The following SRRM4 variants were observed in gnomAD, a reference collection of about 807,000 sequenced individuals.
SRRM4 encodes the protein serine/arginine repetitive matrix protein 4.
SRRM4 carries 33 observed loss-of-function variants against 68.9 expected under a neutral mutation model. The observed-to-expected ratio is 0.48, with a 90% confidence interval of 0.36 to 0.64. The LOEUF is 0.64. Ranked by LOEUF, SRRM4 falls within the 30% of genes least tolerant of loss-of-function variation. SRRM4 has a pLI of 0.00. For synonymous variants in SRRM4, 318 were observed against 318.8 expected (o/e 1.00, Z 0.03); for missense variants, 817 against 827.1 (o/e 0.99, Z 0.15).
At chr12:119,020,067 G>C (rs1398546251) in intron 1 of SRRM4, among the ~76,000 whole-genome samples, 1 of 151,340 alleles carries the variant, frequency 6.6e-6, no homozygotes, top group Non-Finnish European at 1.5e-5. Flanking sequence ...GGCACAGTGT[G>C]GTCAATGGAG....
At chr12:119,088,355 C>A (rs1487947267) in intron 1 of SRRM4, among the ~76,000 whole-genome samples, 1 of 152,072 alleles carries the variant, frequency 6.6e-6, no homozygotes, top group Non-Finnish European at 1.5e-5. Flanking sequence ...TCATGCACCC[C>A]CCTCAACGGT....
At chr12:119,103,984 CAG>C (rs35344456) in intron 2 of SRRM4, among the ~76,000 whole-genome samples, 5,730 of 152,298 alleles carry the variant, frequency 0.038, 179 homozygotes, top group East Asian at 0.096. Flanking sequence ...GCCTGGGCGA[CAG>C]AGTGAGACTC....
intron 1 of SRRM4, among the ~76,000 whole-genome samples, chr12:118,990,696 C>T (rs967262777): frequency 3.1e-4 from 47 of 152,216 alleles, no homozygotes; most frequent in African/African-American, 1.1e-3. Context: ...TTCCTCTTTC[C>T]TTGCCCCTCT....
At chr12:119,088,172 G>T (rs1380948063) in intron 1 of SRRM4, among the ~76,000 whole-genome samples, 1 of 152,062 alleles carries the variant, frequency 6.6e-6, no homozygotes, top group African/African-American at 2.4e-5. Context: ...GTAGGTTCTG[G>T]GCCCTACTGT....
Position 118,981,692 on chromosome 12 carries a change from G to A in SRRM4, c.-191G>A, listed in dbSNP as rs1025806759. On this transcript the variant is annotated 5_prime_UTR_variant, in exon 1 of 13. Coordinates refer to ENST00000267260, the MANE Select transcript of SRRM4 (RefSeq NM_194286.4). ...GAAGGGCGAAGAAAGCCCAGCGGAC[G>A]AGCCTCCTTTCTCTGCTGCCTGCCC... 6 of 613,292 alleles carry A rather than the reference G, an allele frequency of 9.8e-6. No individual in the cohort carries two copies. The East Asian group carries it at 1.8e-4, about 18-fold the overall frequency. 38.0% of individuals were successfully genotyped at this position (613,292 alleles called of 1,614,324 possible).
rs556263564 is a variant in SRRM4, at chr12:119,044,627, G to A, written c.132-57609G>A. On this transcript the variant is annotated intron_variant, in intron 1 of 12. Transcript: ENST00000267260. ...TGTGTAGACTTGGCCAAGTCCTTTA[G>A]CCTCCCTGAGCCTCATTTTCTGCAA... 4.6e-3 allele frequency among the ~76,000 whole-genome samples: 703 copies of A among 151,916 alleles called. 5 individuals are homozygous for A. Among genetic ancestry groups the A allele is most frequent in the African/African-American group, 0.016 (674 of 41,410 alleles).
intron 1 of SRRM4, among the ~76,000 whole-genome samples, chr12:119,072,620 C>T (rs1163830818): frequency 2.5e-5 from 2 of 81,424 alleles, no homozygotes; most frequent in African/African-American, 3.9e-5. Context: ...CTGTTTTACC[C>T]GCAGATTGAA....
intron 1 of SRRM4, among the ~76,000 whole-genome samples, chr12:119,006,113 C>T (rs144649636): frequency 1.4e-3 from 216 of 152,280 alleles, no homozygotes; most frequent in African/African-American, 4.9e-3. Flanking sequence ...CCCCTTGTGC[C>T]CTGGCTGGCC....
chr12:119,107,730 T>G (rs549851897), intron 2 of SRRM4, among the ~76,000 whole-genome samples: 19 of 152,330 alleles, frequency 1.2e-4, no homozygotes, highest in African/African-American at 3.8e-4. Context: ...TTAGTCTTGC[T>G]AGTGATCTAT....
chr12:119,002,146 G>A (rs1004677824), intron 1 of SRRM4, among the ~76,000 whole-genome samples: 1 of 151,906 alleles, frequency 6.6e-6, no homozygotes, highest in African/African-American at 2.4e-5. Flanking sequence ...TAAACATGAC[G>A]ATAGACGAAG....
At chr12:119,046,802 G>T (rs1374476293) in intron 1 of SRRM4, among the ~76,000 whole-genome samples, 1 of 152,098 alleles carries the variant, frequency 6.6e-6, no homozygotes, top group African/African-American at 2.4e-5. Context: ...TATTTCACAG[G>T]TGTAAGGAAG....
intron 1 of SRRM4, among the ~76,000 whole-genome samples, chr12:119,086,981 G>T: frequency 6.6e-6 from 1 of 152,216 alleles, no homozygotes; most frequent in Non-Finnish European, 1.5e-5. Context: ...AGATGCCCAA[G>T]GTGGGAGGCA....
intron 1 of SRRM4, among the ~76,000 whole-genome samples, chr12:119,091,160 T>A (rs1954012112): frequency 6.6e-6 from 1 of 152,178 alleles, no homozygotes; most frequent in Non-Finnish European, 1.5e-5. Flanking sequence ...AACTGAGCCA[T>A]CCTCTCAGAA....
intron 1 of SRRM4, among the ~76,000 whole-genome samples, chr12:119,045,892 G>A (rs867154782): frequency 3.3e-5 from 5 of 152,086 alleles, no homozygotes; most frequent in African/African-American, 9.6e-5. Flanking sequence ...CAAAAAATTA[G>A]CCAGGCGTGG....
At chr12:119,012,971 C>T (rs576056685) in intron 1 of SRRM4, among the ~76,000 whole-genome samples, 1 of 152,126 alleles carries the variant, frequency 6.6e-6, no homozygotes, top group East Asian at 1.9e-4. Context: ...GGAGGTAATG[C>T]TATTTACTCT....
chr12:119,079,553 G>A (rs139219871), intron 1 of SRRM4, among the ~76,000 whole-genome samples: 1 of 152,142 alleles, frequency 6.6e-6, no homozygotes, highest in Non-Finnish European at 1.5e-5. Context: ...TCGTGTGTTT[G>A]CAATGACTCT....
intron 2 of SRRM4, among the ~76,000 whole-genome samples, chr12:119,107,727 T>C (rs1565909660): frequency 6.6e-6 from 1 of 152,304 alleles, no homozygotes; most frequent in East Asian, 1.9e-4. Flanking sequence ...ATATTAGTCT[T>C]GCTAGTGATC....
intron 7 of SRRM4, among the ~76,000 whole-genome samples, chr12:119,128,975 C>G (rs918202150): frequency 2.0e-5 from 3 of 152,180 alleles, no homozygotes; most frequent in African/African-American, 7.2e-5. Context: ...AGAGCTGGCA[C>G]GCAGGTTACA....
chr12:119,015,784 C>T (rs956959748), intron 1 of SRRM4, among the ~76,000 whole-genome samples: 92 of 152,162 alleles, frequency 6.0e-4, no homozygotes, highest in African/African-American at 2.2e-3. Context: ...TTAGAGTCCT[C>T]GCACTTCACC....
Sources: allele counts gnomAD v4.1 joint callset (sites outside exome capture counted in the v4.1 genomes callset), GRCh38; gene constraint gnomAD v4.1.1; transcripts MANE v1.5; gene names NCBI Gene and HGNC (gene_info 2026-07-23, HGNC 2026-07-21).